The following TMEM92 variants were observed in gnomAD, a reference collection of about 807,000 sequenced individuals.
TMEM92 encodes the protein transmembrane protein 92.
Under a neutral mutation model 14.6 loss-of-function variants are expected in TMEM92, and 15 were observed. That is an observed-to-expected ratio of 1.03 (90% confidence interval 0.69 to 1.58). TMEM92 has a LOEUF of 1.58. TMEM92 is among the 40% of genes most tolerant of loss of function. TMEM92 has a pLI of 0.00. For synonymous variants in TMEM92, 85 were observed against 83.3 expected (o/e 1.02, Z -0.11); for missense variants, 174 against 202.4 (o/e 0.86, Z 0.85).
chr17:50,273,775 T>C (rs1489373726), upstream of TMEM92, among the ~76,000 whole-genome samples: 2 of 152,000 alleles, frequency 1.3e-5, no homozygotes, highest in African/African-American at 4.8e-5. Flanking sequence ...TTCCCCTCCC[T>C]CAACCTCTGC....
At chr17:50,276,923 A>G (rs1281658323) in intron 1 of TMEM92, among the ~76,000 whole-genome samples, 1 of 152,198 alleles carries the variant, frequency 6.6e-6, no homozygotes, top group Non-Finnish European at 1.5e-5. Flanking sequence ...ATTTTGAATA[A>G]GGTAACTGGA....
At chr17:50,278,509 CT>C (rs749417610) in intron 2 of TMEM92, 46 bp from the exon 3 acceptor site, 7 of 1,606,450 alleles carry the variant, frequency 4.4e-6, no homozygotes, top group Non-Finnish European at 5.1e-6. Flanking sequence ...CCTCTCCATT[CT>C]GGTGCCAGCA....
intron 4 of TMEM92, 70 bp downstream of exon 4, chr17:50,279,066 C>T (rs1910527369): frequency 9.2e-6 from 13 of 1,419,320 alleles, no homozygotes; most frequent in Middle Eastern, 1.8e-4. Flanking sequence ...GAGGGCCCTT[C>T]GATCCTGGAG....
chr17:50,278,594 G>A lies in TMEM92; in HGVS notation c.134G>A (p.Cys45Tyr). The change falls in exon 3 of 5, where the codon TGC (cysteine) becomes TAC (tyrosine). Residue 45 changes from cysteine to tyrosine, a missense_variant. Transcript: ENST00000507382. ...PKGFKCCGDS[C>Y]CQENELFPGP... ...GGATTCAAATGCTGTGGTGACAGCT[G>A]CTGCCAGGAGAACGAGCTCTTCCCT... The A allele has an allele frequency of 6.2e-7, 1 of 1,614,012 alleles. No homozygotes were observed. The highest frequency in any genetic ancestry group is 8.5e-7 in the Non-Finnish European group (1 of 1,179,978).
intron 1 of TMEM92, chr17:50,274,780 G>C: frequency 1.7e-6 from 1 of 578,042 alleles, no homozygotes; most frequent in South Asian, 2.1e-5. Flanking sequence ...ACCTCTGAGG[G>C]GGATCCTGTG....
chr17:50,278,358 C>T (rs1384910187), intron 2 of TMEM92, among the ~76,000 whole-genome samples, 198 bp from the exon 3 acceptor site: 2 of 152,142 alleles, frequency 1.3e-5, no homozygotes, highest in African/African-American at 4.8e-5. Context: ...AACAGGGAGC[C>T]GTACTGGGCA....
chr17:50,273,285 C>A (rs751671687), upstream of TMEM92, among the ~76,000 whole-genome samples: 187 of 152,282 alleles, frequency 1.2e-3, no homozygotes, highest in Middle Eastern at 3.4e-3. Context: ...GGCCGCGCCC[C>A]TCCCGGCTCC....
chr17:50,278,803 T>C lies in TMEM92; in HGVS notation c.173T>C (p.Ile58Thr). The change falls in exon 4 of 5, where the codon ATC becomes ACC. Residue 58 changes from isoleucine (I) to threonine (T), a missense_variant and splice_region_variant. Transcript: ENST00000507382. ...ENELFPGPVR[I>T]FVIIFLVILS... ...ACTCTTGGTGGTCCCCACCCCAGGA[T>C]CTTCGTCATCATCTTCCTGGTCATC... is the stretch of plus-strand genomic sequence containing the variant. 1.2e-6 allele frequency: 2 copies of C among 1,607,958 alleles called. No homozygotes were observed. Among genetic ancestry groups the C allele is most frequent in the Non-Finnish European group, 1.7e-6 (2 of 1,177,362 alleles).
upstream of TMEM92, among the ~76,000 whole-genome samples, chr17:50,272,353 T>C (rs933378839): frequency 3.3e-5 from 5 of 152,068 alleles, no homozygotes; most frequent in African/African-American, 1.2e-4. Flanking sequence ...CCCATTTTCC[T>C]CTCCCGTAAG....
chr17:50,273,045 CAAGGA>C (rs1270016889), upstream of TMEM92, among the ~76,000 whole-genome samples: 1 of 152,058 alleles, frequency 6.6e-6, no homozygotes, highest in Non-Finnish European at 1.5e-5. Flanking sequence ...AGGCAGAGAG[CAAGGA>C]AAGAGAAGAA....
upstream of TMEM92, among the ~76,000 whole-genome samples, chr17:50,271,721 A>C (rs906846751): frequency 2.6e-5 from 4 of 152,232 alleles, no homozygotes; most frequent in African/African-American, 2.4e-5. Context: ...ATAGAAAAGT[A>C]AATTTTAGCA....
At chr17:50,271,768 G>A (rs1217197515), upstream of TMEM92, among the ~76,000 whole-genome samples, 1 of 152,200 alleles carries the variant, frequency 6.6e-6, no homozygotes, top group Non-Finnish European at 1.5e-5. Context: ...CCCAGGTGTA[G>A]TAGCTCACGC....
At chr17:50,278,273 C>A (rs1688826350) in intron 2 of TMEM92, among the ~76,000 whole-genome samples, 1 of 152,180 alleles carries the variant, frequency 6.6e-6, no homozygotes, top group South Asian at 2.1e-4. Flanking sequence ...CTGCAATGCC[C>A]CTTCCCCACA....
intron 1 of TMEM92, 44 bp from the exon 2 acceptor site, chr17:50,277,671 C>G (rs998570456): frequency 5.0e-6 from 8 of 1,613,364 alleles, no homozygotes; most frequent in Middle Eastern, 3.3e-4. Flanking sequence ...CCCCACTATC[C>G]CCAGTTTATG....
rs574250299 is a variant in TMEM92 at position 50,276,522 on chromosome 17, G to C, written c.70-1193G>C. Among the ~76,000 whole-genome samples, 3 of 152,292 alleles carry C rather than the reference G, an allele frequency of 2.0e-5. 1 individual carries two copies. The highest frequency in any genetic ancestry group is 7.2e-5 in the African/African-American group (3 of 41,558). On this transcript the variant is annotated intron_variant, in intron 1 of 4. Coordinates refer to ENST00000507382, the MANE Select transcript of TMEM92 (RefSeq NM_153229.3). ...TTTGCAATTGAAATATTTTATAAAGGTATAAAGATAAAGATAACGGTGGTT... is the reference window on the plus strand; with the variant it reads ...TTTGCAATTGAAATATTTTATAAAGCTATAAAGATAAAGATAACGGTGGTT...
chr17:50,273,232 C>G (rs1362312226), upstream of TMEM92, among the ~76,000 whole-genome samples: 1 of 152,212 alleles, frequency 6.6e-6, no homozygotes, highest in Non-Finnish European at 1.5e-5. Flanking sequence ...GGCTGCACTG[C>G]TCCTGCCTCG....
rs981947321 is a variant in TMEM92, at chr17:50,280,196, T to A, written c.*888T>A. 1 of 152,188 alleles carries A rather than the reference T, an allele frequency of 6.6e-6. No individual in the cohort carries two copies. The highest frequency in any genetic ancestry group is 6.6e-5 in the Admixed American group (1 of 15,264). The allele number at this position is 152,188 out of a possible 1,614,324, so 9.4% of individuals were successfully genotyped here. ...GCAGCCCTGGGACAGCCCATTCTGC[T>A]GTTGATAGCAGGAAACCACCTGCTG... On this transcript the variant is annotated 3_prime_UTR_variant, in exon 5 of 5. Coordinates refer to ENST00000507382, the MANE Select transcript of TMEM92 (RefSeq NM_153229.3).
chr17:50,275,572 G>T (rs939100499), intron 1 of TMEM92, among the ~76,000 whole-genome samples: 1 of 152,040 alleles, frequency 6.6e-6, no homozygotes, highest in African/African-American at 2.4e-5. Flanking sequence ...CCACCCTGAC[G>T]CTCCATAAAA....
intron 1 of TMEM92, among the ~76,000 whole-genome samples, chr17:50,276,852 T>C (rs1229693536): frequency 6.6e-6 from 1 of 152,202 alleles, no homozygotes; most frequent in African/African-American, 2.4e-5. Context: ...ATATAGTATG[T>C]TAGATGTTGA....
Sources: gnomAD v4.1 joint callset for allele counts (sites outside exome capture counted in the v4.1 genomes callset) on GRCh38, gnomAD v4.1.1 for gene constraint, MANE v1.5 for transcripts, NCBI Gene and HGNC (gene_info 2026-07-23, HGNC 2026-07-21) for gene names.